The following CELF4 variants were observed in gnomAD, a reference collection of about 807,000 sequenced individuals.
CELF4 encodes the protein CUGBP Elav-like family member 4.
Under a neutral mutation model 59.9 loss-of-function variants are expected in CELF4, and 18 were observed. That is an observed-to-expected ratio of 0.30 (90% CI 0.21 to 0.45). The LOEUF is 0.45. Ranked by LOEUF, CELF4 falls within the 20% of genes least tolerant of loss-of-function variation. CELF4 has a pLI of 1.00. For missense variants in CELF4, 456 were observed against 689.0 expected (o/e 0.66, Z 3.79); for synonymous variants, 261 against 267.1 (o/e 0.98, Z 0.22).
chr18:37,320,773 T>C (rs1569561643), intron 3 of CELF4, among the ~76,000 whole-genome samples: 1 of 152,090 alleles, frequency 6.6e-6, no homozygotes, highest in Non-Finnish European at 1.5e-5. Flanking sequence ...ACAATGCCCT[T>C]CTCCCAAGGA....
intron 2 of CELF4, among the ~76,000 whole-genome samples, chr18:37,341,333 G>A (rs1603619129): frequency 6.6e-6 from 1 of 152,322 alleles, no homozygotes; most frequent in East Asian, 1.9e-4. Flanking sequence ...CTCAGCATGC[G>A]ATGTGCTGCT....
intron 2 of CELF4, among the ~76,000 whole-genome samples, chr18:37,476,738 C>T (rs1363753523): frequency 6.6e-6 from 1 of 152,216 alleles, no homozygotes; most frequent in Non-Finnish European, 1.5e-5. Flanking sequence ...CACAGACATT[C>T]TGTTTCTCAG....
chr18:37,363,358 T>G (rs8099506), intron 2 of CELF4, among the ~76,000 whole-genome samples: 2,855 of 152,314 alleles, frequency 0.019, 81 homozygotes, highest in African/African-American at 0.065. Context: ...GGAAACATTT[T>G]TCCAGGTATC....
At chr18:37,357,429 G>T (rs1178330459) in intron 2 of CELF4, among the ~76,000 whole-genome samples, 1 of 152,230 alleles carries the variant, frequency 6.6e-6, no homozygotes, top group Non-Finnish European at 1.5e-5. Context: ...GGAAACCTCT[G>T]CCTAGATTTC....
At chr18:37,397,278 A>G (rs2099256791) in intron 2 of CELF4, among the ~76,000 whole-genome samples, 3 of 110,416 alleles carry the variant, frequency 2.7e-5, no homozygotes, top group Non-Finnish European at 3.7e-5. Flanking sequence ...GCTTTCATGC[A>G]CAGGGCATCT....
chr18:37,351,173 G>A (rs1359336550), intron 2 of CELF4, among the ~76,000 whole-genome samples: 1 of 151,892 alleles, frequency 6.6e-6, no homozygotes, highest in African/African-American at 2.4e-5. Flanking sequence ...GACAGCCGGA[G>A]ATCCTGGTGC....
intron 2 of CELF4, among the ~76,000 whole-genome samples, chr18:37,461,364 C>A (rs2154602164): frequency 6.6e-6 from 1 of 152,306 alleles, no homozygotes; most frequent in African/African-American, 2.4e-5. Context: ...AACTTATAAT[C>A]ATGGTGGAAG....
At chr18:37,463,234 T>TCAGA (rs911229449) in intron 2 of CELF4, among the ~76,000 whole-genome samples, 53 of 152,258 alleles carry the variant, frequency 3.5e-4, no homozygotes, top group African/African-American at 1.0e-3. Context: ...TCCTGAGAGT[T>TCAGA]CAGAGCTTTG....
chr18:37,271,034 G>C, intron 7 of CELF4, 117 bp from the exon 8 acceptor site: 1 of 833,952 alleles, frequency 1.2e-6, no homozygotes, highest in Non-Finnish European at 1.8e-6. Context: ...GATAGACTTG[G>C]ACCTCACATA....
At chr18:37,398,574 G>A (rs1216110906) in intron 2 of CELF4, among the ~76,000 whole-genome samples, 1 of 152,116 alleles carries the variant, frequency 6.6e-6, no homozygotes, top group African/African-American at 2.4e-5. Flanking sequence ...CTTCTGCTGA[G>A]ACATAAGGCT....
intron 1 of CELF4, among the ~76,000 whole-genome samples, chr18:37,508,228 G>A (rs1375343672): frequency 6.6e-6 from 1 of 152,236 alleles, no homozygotes; most frequent in Non-Finnish European, 1.5e-5. Context: ...TAAGACATTG[G>A]AAGCTGTGGG....
intron 1 of CELF4, among the ~76,000 whole-genome samples, chr18:37,504,487 A>G (rs2099935442): frequency 6.7e-6 from 1 of 150,030 alleles, no homozygotes; most frequent in Admixed American, 6.6e-5. Flanking sequence ...TGGGGCTTGC[A>G]CATTGCTTGG....
intron 1 of CELF4, among the ~76,000 whole-genome samples, chr18:37,517,363 G>C (rs1386389571): frequency 6.6e-6 from 1 of 152,106 alleles, no homozygotes; most frequent in Non-Finnish European, 1.5e-5. Context: ...TTGCAAGCAG[G>C]TGTTTGGCAT....
In CELF4 at chr18:37,244,488, A is replaced by G. The variant is rs1456615638; in HGVS notation, c.*754T>C. On this transcript the variant is annotated 3_prime_UTR_variant, in exon 13 of 13. Coordinates refer to ENST00000420428, the MANE Select transcript of CELF4 (RefSeq NM_020180.4). ...GTCATAGACTTGGATGAGGGTCATC[A>G]AAGCGCCTCTCAAAGTATCAAAGAA... 1.3e-5 allele frequency: 2 copies of G among 152,654 alleles called. No individual in the cohort carries two copies. Among genetic ancestry groups the G allele is most frequent in the Non-Finnish European group, 2.9e-5 (2 of 68,044 alleles). The allele number at this position is 152,654 out of a possible 1,614,324, so 9.5% of individuals were successfully genotyped here.
intron 4 of CELF4, 103 bp from the exon 5 acceptor site, chr18:37,274,987 A>C: frequency 1.9e-6 from 3 of 1,538,528 alleles, no homozygotes. Context: ...TGAGGCAGAG[A>C]TTGAGAAAGA....
rs143060410 is a variant in CELF4, at chr18:37,495,462, C to T, written c.287-9855G>A. Reference sequence around the variant, plus strand: ...GAACTTCAGAGCCTCACTAGCTGACCTCAGCCACATGGCTCAGCCCTGGCC... The same window carrying T: ...GAACTTCAGAGCCTCACTAGCTGACTTCAGCCACATGGCTCAGCCCTGGCC... On this transcript the variant is annotated intron_variant, in intron 1 of 12. Coordinates refer to ENST00000420428, the MANE Select transcript of CELF4 (RefSeq NM_020180.4). Among the ~76,000 whole-genome samples, 715 of 152,272 alleles carry T rather than the reference C, an allele frequency of 4.7e-3. 3 individuals are homozygous for T. The highest frequency in any genetic ancestry group is 0.016 in the African/African-American group (669 of 41,534).
chr18:37,328,604 C>A (rs542434145), intron 2 of CELF4, among the ~76,000 whole-genome samples: 6 of 152,192 alleles, frequency 3.9e-5, no homozygotes, highest in African/African-American at 7.2e-5. Flanking sequence ...CAGCTCTTAC[C>A]TCCCCATTCC....
chr18:37,381,518 C>T (rs2099040743), intron 2 of CELF4, among the ~76,000 whole-genome samples: 4 of 152,110 alleles, frequency 2.6e-5, no homozygotes, highest in Admixed American at 2.6e-4. Context: ...AGGGTAGGGA[C>T]TGAACACTCC....
At chr18:37,472,302 G>T (rs566497872) in intron 2 of CELF4, among the ~76,000 whole-genome samples, 7 of 152,380 alleles carry the variant, frequency 4.6e-5, no homozygotes, top group East Asian at 3.9e-4. Context: ...GGTAGGGTTT[G>T]TTGGCCCCTC....
Sources: allele counts gnomAD v4.1 joint callset (sites outside exome capture counted in the v4.1 genomes callset), GRCh38; gene constraint gnomAD v4.1.1; transcripts MANE v1.5; gene names NCBI Gene and HGNC (gene_info 2026-07-23, HGNC 2026-07-21).